NRXN3: variants seen among roughly 807,000 people sequenced by gnomAD.
The protein encoded by NRXN3 is neurexin 3, also known as neurexin III.
A neutral mutation model predicts 137.6 loss-of-function variants in NRXN3; 32 were observed. The observed-to-expected ratio is 0.23, with a 90% CI of 0.18 to 0.31. The LOEUF (loss-of-function observed/expected upper bound fraction) is 0.31, where lower values mean the gene tolerates loss of function less well. Among genes scored for constraint, NRXN3 ranks in the 10% least tolerant of loss-of-function variants. The probability of loss-of-function intolerance (pLI) is 1.00; values close to 1 mark genes in which losing one functional copy is unlikely to be tolerated. For missense variants in NRXN3, 1,574 were observed against 2,062.5 expected (o/e 0.76, Z 4.59); for synonymous variants, 798 against 784.5 (o/e 1.02, Z -0.29).
At chr14:79,198,439 A>G (rs1488943130) in intron 15 of NRXN3, among the ~76,000 whole-genome samples, 1 of 152,204 alleles carries the variant, frequency 6.6e-6, no homozygotes, top group Non-Finnish European at 1.5e-5. Context: ...TGTTTATACC[A>G]CTAGGAGAAT....
intron 15 of NRXN3, among the ~76,000 whole-genome samples, chr14:79,142,994 G>A (rs979482681): frequency 5.9e-5 from 9 of 152,136 alleles, no homozygotes; most frequent in African/African-American, 1.2e-4. Context: ...ATTTAATTAC[G>A]AAAATATCAT....
intron 15 of NRXN3, among the ~76,000 whole-genome samples, chr14:79,429,867 A>G (rs550555237): frequency 1.2e-3 from 178 of 152,322 alleles, no homozygotes; most frequent in Middle Eastern, 3.4e-3. Context: ...TCTTGTATAC[A>G]ATATCTTTGG....
At chr14:79,494,121 C>T (rs188680200) in intron 16 of NRXN3, among the ~76,000 whole-genome samples, 2 of 152,274 alleles carry the variant, frequency 1.3e-5, no homozygotes, top group Admixed American at 1.3e-4. Context: ...TACTAATTCT[C>T]TCACCAGTTT....
chr14:78,645,473 T>G (rs1601815249), intron 5 of NRXN3, 52 bp downstream of exon 5: 3 of 1,476,658 alleles, frequency 2.0e-6, no homozygotes, highest in Non-Finnish European at 2.7e-6. Context: ...GGTGGCTGGG[T>G]AGTAAATTTG....
intron 14 of NRXN3, among the ~76,000 whole-genome samples, chr14:78,975,938 G>A (rs1388304167): frequency 6.6e-6 from 1 of 152,138 alleles, no homozygotes; most frequent in Admixed American, 6.6e-5. Flanking sequence ...AGCTCTCCAC[G>A]GTACTCCTGT....
At chr14:78,871,360 A>C (rs2099100854) in intron 10 of NRXN3, among the ~76,000 whole-genome samples, 1 of 151,768 alleles carries the variant, frequency 6.6e-6, no homozygotes, top group South Asian at 2.1e-4. Flanking sequence ...TCATGTTTCT[A>C]CTCTTCAATG....
chr14:78,623,930 T>C (rs927910136), intron 4 of NRXN3, among the ~76,000 whole-genome samples: 1 of 152,238 alleles, frequency 6.6e-6, no homozygotes, highest in African/African-American at 2.4e-5. Flanking sequence ...CTGTAGTAGA[T>C]ACCATTTTCT....
chr14:78,383,570 A>C (rs1266509443), intron 4 of NRXN3, among the ~76,000 whole-genome samples: 2 of 152,216 alleles, frequency 1.3e-5, no homozygotes, highest in African/African-American at 4.8e-5. Context: ...ATTTCTTGAT[A>C]AGATGTTTAC....
chr14:79,801,252 T>C (rs1338454822), intron 19 of NRXN3, among the ~76,000 whole-genome samples: 2 of 152,212 alleles, frequency 1.3e-5, no homozygotes, highest in Non-Finnish European at 2.9e-5. Flanking sequence ...AGATCACCTT[T>C]GAATGATTGT....
At chr14:78,438,374 T>C (rs2094139095) in intron 4 of NRXN3, among the ~76,000 whole-genome samples, 1 of 152,276 alleles carries the variant, frequency 6.6e-6, no homozygotes, top group Non-Finnish European at 1.5e-5. Context: ...AGGGGTGGTA[T>C]GTGACCTGTG....
rs148904345 is a variant in NRXN3 at position 79,193,684 on chromosome 14, C to A, written c.3262+205543C>A. 5.9e-3 allele frequency among the ~76,000 whole-genome samples: 891 copies of A among 152,270 alleles called. 12 individuals are homozygous for A. Among genetic ancestry groups the A allele is most frequent in the African/African-American group, 0.02 (844 of 41,566 alleles). On this transcript the variant is annotated intron_variant, in intron 15 of 20. Coordinates refer to ENST00000335750, the MANE Select transcript of NRXN3 (RefSeq NM_001330195.2). ...AAAAAATCTGCTTAAACTCTCATTT[C>A]AATCACAGTTATGTGGAAACATCTT...
At chr14:79,053,591 A>G (rs533474293) in intron 15 of NRXN3, among the ~76,000 whole-genome samples, 3 of 150,898 alleles carry the variant, frequency 2.0e-5, no homozygotes, top group African/African-American at 7.3e-5. Context: ...TTTGTATGTG[A>G]GTATTGTGCG....
chr14:78,810,431 T>G lies in NRXN3; in HGVS notation c.2275+87T>G, dbSNP rs2098905420. 4.0e-5 allele frequency: 22 copies of G among 556,098 alleles called. 1 individual carries two copies. The South Asian group carries it at 5.7e-4, about 14-fold the overall frequency. The allele number at this position is 556,098 out of a possible 1,614,324, so 34.4% of individuals were successfully genotyped here. ...TTGTTTACTGTTTTATGAGCTGTTT[T>G]TTATTTGAATTATTTTTTCTTTTAA... On this transcript the variant is annotated intron_variant, in intron 10 of 20. Coordinates refer to ENST00000335750, the MANE Select transcript of NRXN3 (RefSeq NM_001330195.2).
chr14:78,287,859 G>T (rs1254694605), intron 3 of NRXN3, among the ~76,000 whole-genome samples: 1 of 151,808 alleles, frequency 6.6e-6, no homozygotes, highest in African/African-American at 2.4e-5. Context: ...CCAGGTCATT[G>T]TTCTCTGAAA....
In NRXN3 at chr14:78,538,698, CA is replaced by C. The variant is rs556029827; in HGVS notation, c.758-106419del. On this transcript the variant is annotated intron_variant, in intron 4 of 20. Coordinates refer to ENST00000335750, the MANE Select transcript of NRXN3 (RefSeq NM_001330195.2). ...GGCATCCCTGTCTTGTGCCAGTTTTCAAAGGGAATGCTTCCAGTTTTTGCCC... is the reference window on the plus strand; with the variant it reads ...GGCATCCCTGTCTTGTGCCAGTTTTCAAGGGAATGCTTCCAGTTTTTGCCC... 8.7e-3 allele frequency among the ~76,000 whole-genome samples: 1,327 copies of C among 152,232 alleles called. 18 individuals are homozygous for C. The highest frequency in any genetic ancestry group is 0.03 in the African/African-American group (1,247 of 41,532).
chr14:78,517,790 C>T (rs1345806613), intron 4 of NRXN3, among the ~76,000 whole-genome samples: 1 of 152,096 alleles, frequency 6.6e-6, no homozygotes, highest in African/African-American at 2.4e-5. Context: ...AAATTTTTAC[C>T]TTTGCAAATG....
intron 4 of NRXN3, among the ~76,000 whole-genome samples, chr14:78,554,534 A>G (rs2096720931): frequency 6.6e-6 from 1 of 152,172 alleles, no homozygotes; most frequent in South Asian, 2.1e-4. Flanking sequence ...CACTCTGTGC[A>G]GGTTAGTGGC....
intron 6 of NRXN3, among the ~76,000 whole-genome samples, chr14:78,664,582 C>T (rs2097866047): frequency 6.6e-6 from 1 of 152,214 alleles, no homozygotes; most frequent in Non-Finnish European, 1.5e-5. Context: ...ATTTGCATGT[C>T]AGACTCTGAA....
intron 15 of NRXN3, among the ~76,000 whole-genome samples, chr14:79,107,083 A>G (rs918713403): frequency 1.6e-4 from 24 of 152,306 alleles, no homozygotes; most frequent in African/African-American, 5.3e-4. Flanking sequence ...ATGAAAGGTA[A>G]ATGACAAGCT....
Sources: gnomAD v4.1 joint callset for allele counts (sites outside exome capture counted in the v4.1 genomes callset) on GRCh38, gnomAD v4.1.1 for gene constraint, MANE v1.5 for transcripts, NCBI Gene and HGNC (gene_info 2026-07-23, HGNC 2026-07-21) for gene names.